Variants in OCIAD2 observed in about 807,000 individuals in gnomAD.
OCIAD2 encodes the protein OCIA domain-containing protein 2.
In OCIAD2, 29 loss-of-function variants were observed where a neutral mutation model predicts 22.9. The observed-to-expected ratio is 1.27, with a 90% CI of 0.94 to 1.73. The LOEUF (loss-of-function observed/expected upper bound fraction) is 1.73, where lower values mean the gene tolerates loss of function less well. Ranked by LOEUF, OCIAD2 falls within the 40% of genes most tolerant of loss-of-function variation. The pLI is 0.00. For missense variants in OCIAD2, 189 were observed against 180.3 expected, an observed-to-expected ratio of 1.05 and a Z score of -0.28; for synonymous variants, 67 against 60.2, an observed-to-expected ratio of 1.11 and a Z score of -0.52.
intron 6 of OCIAD2, among the ~76,000 whole-genome samples, chr4:48,888,176 A>C (rs533706276): frequency 3.3e-5 from 5 of 152,322 alleles, no homozygotes; most frequent in African/African-American, 1.2e-4. Context: ...TGATTTTTGC[A>C]CATTGATTTT....
intron 4 of OCIAD2, among the ~76,000 whole-genome samples, chr4:48,894,849 T>C (rs769885652): frequency 1.8e-4 from 27 of 152,194 alleles, no homozygotes; most frequent in Admixed American, 3.3e-4. Flanking sequence ...AATGGCCTTT[T>C]AGAGATACCC....
chr4:48,899,963 T>G, intron 2 of OCIAD2, 38 bp from the exon 3 acceptor site: 1 of 1,473,416 alleles, frequency 6.8e-7, no homozygotes. Context: ...ACTGAGGTCA[T>G]TGAAAAATCA....
At chr4:48,885,996 T>A (rs545768555) in intron 6 of OCIAD2, among the ~76,000 whole-genome samples, 1 of 152,356 alleles carries the variant, frequency 6.6e-6, no homozygotes, top group African/African-American at 2.4e-5. Context: ...ATGAAGTCCT[T>A]GCCCATGCCT....
intron 4 of OCIAD2, among the ~76,000 whole-genome samples, chr4:48,894,808 T>C (rs1300083445): frequency 2.0e-5 from 3 of 152,294 alleles, no homozygotes; most frequent in Middle Eastern, 3.4e-3. Flanking sequence ...TATTTTACAA[T>C]GCAAACAGTA....
At chr4:48,891,456 C>T (rs1174976372) in intron 6 of OCIAD2, among the ~76,000 whole-genome samples, 1 of 152,154 alleles carries the variant, frequency 6.6e-6, no homozygotes, top group Non-Finnish European at 1.5e-5. Flanking sequence ...AGTGGGAAGG[C>T]AAAATGAAAC....
In OCIAD2 at chr4:48,903,143, G is replaced by C. The variant is rs7700186; in HGVS notation, c.66+1341C>G. ...CACTATTTTTAGCTTGAACATGAAC[G>C]CCATTGACCCATCAAATGCTTTCTC... is the stretch of plus-strand genomic sequence containing the variant. On this transcript the variant is annotated intron_variant, in intron 2 of 6. Coordinates refer to ENST00000508632, the MANE Select transcript of OCIAD2 (RefSeq NM_001014446.3). Among the ~76,000 whole-genome samples the C allele has an allele frequency of 3.1e-3, 474 of 152,130 alleles. 1 individual carries two copies. The highest frequency in any genetic ancestry group is 0.011 in the African/African-American group (444 of 41,484).
Position 48,902,325 on chromosome 4 carries a change from C to T in OCIAD2, c.66+2159G>A, listed in dbSNP as rs76178903. ...CCATTTCTTGAGCACTTTGTATGGGCCTGGTCCTGTGCCAAGCACTTTACA... is the reference window on the plus strand; with the variant it reads ...CCATTTCTTGAGCACTTTGTATGGGTCTGGTCCTGTGCCAAGCACTTTACA... On this transcript the variant is annotated intron_variant, in intron 2 of 6. Transcript: ENST00000508632. Among the ~76,000 whole-genome samples, 3 of 152,238 alleles carry T rather than the reference C, an allele frequency of 2.0e-5. No individual in the cohort carries two copies. In the East Asian group the frequency reaches 5.8e-4, roughly 29 times the overall value.
At position 48,897,728 on chromosome 4, in the gene OCIAD2, G is replaced by A. The variant is rs1207056036; in HGVS notation, c.217+76C>T. The A allele has an allele frequency of 2.1e-5, 23 of 1,085,386 alleles. 1 individual carries two copies. Among genetic ancestry groups the A allele is most frequent in the South Asian group, 1.7e-4 (13 of 77,874 alleles). The allele number at this position is 1,085,386 out of a possible 1,614,324, so 67.2% of individuals were successfully genotyped here. A position where few individuals can be genotyped will look rare whatever the true frequency, so the allele number is the denominator to read the frequency against. ...CTTCACCAAAAAATAAATGTCAAGG[G>A]CCAAAAAGCTGCCAGGAGGGTCACA... is the stretch of plus-strand genomic sequence containing the variant. On this transcript the variant is annotated intron_variant, in intron 4 of 6. Coordinates refer to ENST00000508632, the MANE Select transcript of OCIAD2 (RefSeq NM_001014446.3).
rs1780952820 is a variant in OCIAD2, at chr4:48,885,445, C to T, written c.*39G>A. ...TTGAAATTTTAAATGTGTACAAATT[C>T]AGAGGTTTAAAAAACTTCGAAAGTC... On this transcript the variant is annotated 3_prime_UTR_variant, in exon 7 of 7. Coordinates refer to ENST00000508632, the MANE Select transcript of OCIAD2 (RefSeq NM_001014446.3). The T allele has an allele frequency of 9.5e-7, 1 of 1,057,864 alleles. No homozygotes were observed. Among genetic ancestry groups the T allele is most frequent in the African/African-American group, 1.6e-5 (1 of 63,458 alleles). The allele number at this position is 1,057,864 out of a possible 1,614,324, so 65.5% of individuals were successfully genotyped here. A position where few individuals can be genotyped will look rare whatever the true frequency, so the allele number is the denominator to read the frequency against.
At chr4:48,897,749 T>A in intron 4 of OCIAD2, 55 bp downstream of exon 4, 1 of 1,346,640 alleles carries the variant, frequency 7.4e-7, no homozygotes, top group East Asian at 2.3e-5. Flanking sequence ...GCCAGGAGGG[T>A]CACAGTAAAC....
chr4:48,890,425 A>G (rs959283754), intron 6 of OCIAD2, among the ~76,000 whole-genome samples: 10 of 152,186 alleles, frequency 6.6e-5, no homozygotes, highest in African/African-American at 2.2e-4. Context: ...TTCTAACAAT[A>G]GCATAAAAAT....
At chr4:48,894,657 C>T (rs1781262039) in intron 4 of OCIAD2, among the ~76,000 whole-genome samples, 1 of 152,084 alleles carries the variant, frequency 6.6e-6, no homozygotes, top group Non-Finnish European at 1.5e-5. Context: ...GTAGGGCTAA[C>T]AACAGTGTTC....
intron 1 of OCIAD2, among the ~76,000 whole-genome samples, chr4:48,905,571 C>A (rs1384243074): frequency 6.6e-6 from 1 of 152,154 alleles, no homozygotes; most frequent in Non-Finnish European, 1.5e-5. Context: ...TGGACATAAT[C>A]CAGGTGGACT....
chr4:48,897,601 T>C (rs1781329390), intron 4 of OCIAD2, among the ~76,000 whole-genome samples: 1 of 152,206 alleles, frequency 6.6e-6, no homozygotes, highest in Admixed American at 6.5e-5. Flanking sequence ...AATTTCCTTT[T>C]GCCATGTAAC....
intron 6 of OCIAD2, among the ~76,000 whole-genome samples, chr4:48,886,860 A>G (rs1183157522): frequency 7.2e-5 from 11 of 152,166 alleles, no homozygotes; most frequent in Non-Finnish European, 1.3e-4. Context: ...ATAACCAGTA[A>G]TGGGATGGCT....
At chr4:48,900,873 C>CGT (rs1560461120) in intron 2 of OCIAD2, among the ~76,000 whole-genome samples, 1 of 152,042 alleles carries the variant, frequency 6.6e-6, no homozygotes, top group Non-Finnish European at 1.5e-5. Flanking sequence ...GGATTACAGG[C>CGT]GTAAGTCACT....
In OCIAD2 at chr4:48,893,997, A is replaced by G. The variant is rs777604755; in HGVS notation, c.265+9T>C. On this transcript the variant is annotated intron_variant, in intron 5 of 6. Coordinates refer to ENST00000508632, the MANE Select transcript of OCIAD2 (RefSeq NM_001014446.3). ...ACACTTGGCTTGCTTTTTTATTTCT[A>G]TGACTTACGTGCAACTTTGGGCAAT... The G allele has an allele frequency of 2.6e-6, 4 of 1,510,384 alleles. No homozygotes were observed. The highest frequency in any genetic ancestry group is 3.6e-6 in the Non-Finnish European group (4 of 1,122,420). 93.6% of individuals were successfully genotyped at this position (1,510,384 alleles called of 1,614,324 possible).
Position 48,892,846 on chromosome 4 carries a change from T to A in OCIAD2, c.309A>T (p.Ile103=). 6.2e-7 allele frequency: 1 copy of A among 1,612,410 alleles called. No homozygotes were observed. The highest frequency in any genetic ancestry group is 8.5e-7 in the Non-Finnish European group (1 of 1,179,000). The change falls in exon 6 of 7, where the codon ATA becomes ATT. Residue 103 remains isoleucine, a synonymous_variant. Transcript: ENST00000508632. ...LGFGLGKVSY[I]GVCQSKFHFF... is the part of the protein sequence containing the mutation. ...AATGGAATTTACTCTGGCATACTCC[T>A]ATGTATGATACCTTTCCAAGGCCAA... is the stretch of plus-strand genomic sequence containing the variant.
Position 48,885,344 on chromosome 4 carries a change from T to C in OCIAD2, c.*140A>G. ...GTAACGCTTAGTTCACTTGAAAGCC[T>C]TCCACGGAATACATTTCAGTGAGTG... On this transcript the variant is annotated 3_prime_UTR_variant, in exon 7 of 7. Coordinates refer to ENST00000508632, the MANE Select transcript of OCIAD2 (RefSeq NM_001014446.3). 1 of 690,150 alleles carries C rather than the reference T, an allele frequency of 1.4e-6. No individual in the cohort carries two copies. The highest frequency in any genetic ancestry group is 2.6e-6 in the Non-Finnish European group (1 of 381,224). The allele number at this position is 690,150 out of a possible 1,614,324, so 42.8% of individuals were successfully genotyped here. A position where few individuals can be genotyped will look rare whatever the true frequency, so the allele number is the denominator to read the frequency against.
Sources: allele counts gnomAD v4.1 joint callset (sites outside exome capture counted in the v4.1 genomes callset), GRCh38; gene constraint gnomAD v4.1.1; transcripts MANE v1.5; gene names NCBI Gene and HGNC (gene_info 2026-07-23, HGNC 2026-07-21).